The following MLPH variants were observed in gnomAD, a reference collection of about 807,000 sequenced individuals.
MLPH encodes exophilin-3.
MLPH carries 51 observed loss-of-function variants against 72.1 expected under a neutral mutation model. That is an observed-to-expected ratio of 0.71 (90% CI 0.56 to 0.89). The LOEUF (loss-of-function observed/expected upper bound fraction) is 0.89. Among genes scored for constraint, MLPH ranks in the 40% least tolerant of loss-of-function variants. The pLI is 0.00. For synonymous variants in MLPH, 301 were observed against 310.1 expected (o/e 0.97, Z 0.31); for missense variants, 743 against 759.9 (o/e 0.98, Z 0.26).
At chr2:237,493,602 G>A in intron 2 of MLPH, 66 bp downstream of exon 2, 1 of 1,263,228 alleles carries the variant, frequency 7.9e-7, no homozygotes, top group Non-Finnish European at 1.2e-6. Flanking sequence ...CCATCATATG[G>A]GTGCTGTCTG....
rs1368500106 is a variant in MLPH at position 237,493,454 on chromosome 2, C to G, written c.28C>G (p.Leu10Val). 11 of 1,613,958 alleles carry G rather than the reference C, an allele frequency of 6.8e-6. No individual in the cohort carries two copies. Among genetic ancestry groups the G allele is most frequent in the Non-Finnish European group, 9.3e-6 (11 of 1,179,944 alleles). MGKKLDLSK[L>V]TDEEAQHVLE... ...GGGGAAGAAACTGGATCTTTCCAAGCTCACTGATGAAGAGGCCCAGCATGT... is the reference window on the plus strand; with the variant it reads ...GGGGAAGAAACTGGATCTTTCCAAGGTCACTGATGAAGAGGCCCAGCATGT... The change falls in exon 2 of 16, where the codon CTC becomes GTC. Residue 10 changes from leucine (L) to valine (V), a missense_variant. Transcript: ENST00000264605.
chr2:237,520,284 G>C (rs551731134), intron 6 of MLPH, among the ~76,000 whole-genome samples: 1 of 152,294 alleles, frequency 6.6e-6, no homozygotes, highest in African/African-American at 2.4e-5. Flanking sequence ...AGGGCCCTGA[G>C]ACTGGACAGA....
At chr2:237,498,016 G>A (rs949016158) in intron 2 of MLPH, among the ~76,000 whole-genome samples, 7 of 152,196 alleles carry the variant, frequency 4.6e-5, no homozygotes, top group Admixed American at 6.5e-5. Context: ...GCCCGTGGGC[G>A]CGACCCAGCC....
At chr2:237,504,657 G>A (rs1018765290) in intron 2 of MLPH, among the ~76,000 whole-genome samples, 7 of 152,198 alleles carry the variant, frequency 4.6e-5, no homozygotes, top group Non-Finnish European at 1.0e-4. Context: ...GAGGCCGCCG[G>A]TTCTGTCCAC....
At chr2:237,537,540 A>T (rs1370617467) in intron 9 of MLPH, 2 of 152,120 alleles carry the variant, frequency 1.3e-5, no homozygotes, top group Non-Finnish European at 2.9e-5. Context: ...GGCCTCTGTG[A>T]TTTGGGGGCT....
At chr2:237,530,089 G>A (rs1372698173) in intron 8 of MLPH, among the ~76,000 whole-genome samples, 1 of 152,200 alleles carries the variant, frequency 6.6e-6, no homozygotes, top group African/African-American at 2.4e-5. Flanking sequence ...CTGGCCTTTC[G>A]GTGCACAGGA....
At chr2:237,524,054 A>G (rs1048363042) in intron 6 of MLPH, among the ~76,000 whole-genome samples, 2 of 152,092 alleles carry the variant, frequency 1.3e-5, no homozygotes, top group African/African-American at 4.8e-5. Context: ...GAGGAACGTG[A>G]TGGCTACTAG....
chr2:237,500,343 T>C (rs1175840124), intron 2 of MLPH, among the ~76,000 whole-genome samples: 1 of 152,214 alleles, frequency 6.6e-6, no homozygotes, highest in South Asian at 2.1e-4. Context: ...TCTACAGTGA[T>C]GGAAATGTTC....
chr2:237,533,182 G>A (rs572463229), intron 8 of MLPH, among the ~76,000 whole-genome samples: 72 of 152,254 alleles, frequency 4.7e-4, no homozygotes, highest in African/African-American at 1.5e-3. Flanking sequence ...GCCCACCCAC[G>A]TTAGACTCTT....
chr2:237,515,333 G>A (rs1180524300), intron 4 of MLPH, among the ~76,000 whole-genome samples: 2 of 152,160 alleles, frequency 1.3e-5, no homozygotes, highest in Non-Finnish European at 2.9e-5. Context: ...CGGGTCCTGG[G>A]CTGTCCTGAG....
chr2:237,532,300 A>G (rs1330476743), intron 8 of MLPH, among the ~76,000 whole-genome samples: 1 of 152,172 alleles, frequency 6.6e-6, no homozygotes, highest in Non-Finnish European at 1.5e-5. Flanking sequence ...CTGCCTTTGC[A>G]TTTGTATTGA....
At chr2:237,553,467 T>TACACACCTGTGTATTTGTATGTGC (rs1264955088) in intron 15 of MLPH, 99 bp from the exon 16 acceptor site, 14 of 1,114,964 alleles carry the variant, frequency 1.3e-5, no homozygotes, top group Middle Eastern at 2.0e-4. Flanking sequence ...CACATCCATG[T>TACACACCTGTGTATTTGTATGTGC]ACACACCTGT....
intron 1 of MLPH, among the ~76,000 whole-genome samples, chr2:237,489,054 T>C (rs1392227061): frequency 6.6e-6 from 1 of 152,136 alleles, no homozygotes; most frequent in East Asian, 1.9e-4. Context: ...GCTCAGCCAT[T>C]GTCCATGGTA....
chr2:237,525,397 G>A lies in MLPH; in HGVS notation c.676-204G>A, dbSNP rs150710264. Reference sequence around the variant, plus strand: ...GACACATGCAATAGGCAGTCAGTAGGCAACAAATAGGCAATATATGCTTTA... The same window carrying A: ...GACACATGCAATAGGCAGTCAGTAGACAACAAATAGGCAATATATGCTTTA... On this transcript the variant is annotated intron_variant, in intron 6 of 15. Transcript: ENST00000264605. 1.9e-3 allele frequency among the ~76,000 whole-genome samples: 284 copies of A among 152,294 alleles called. 5 individuals carry two copies. Among genetic ancestry groups the A allele is most frequent in the Middle Eastern group, 0.014 (4 of 294 alleles).
rs968122883 is a variant in MLPH, at chr2:237,499,898, C to A, written c.110+6362C>A. 2.0e-5 allele frequency among the ~76,000 whole-genome samples: 3 copies of A among 152,078 alleles called. No homozygotes were observed. In the East Asian group the frequency reaches 5.8e-4, roughly 29 times the overall value. ...AAGCTGAGACTACAGGCATGCATCA[C>A]CACACCTAGCTAATTTTTTAAATTT... On this transcript the variant is annotated intron_variant, in intron 2 of 15. Transcript: ENST00000264605.
At position 237,527,231 on chromosome 2, in the gene MLPH, T is replaced by C. The variant is rs1462332872; in HGVS notation, c.881-146T>C. On this transcript the variant is annotated intron_variant, in intron 7 of 15. Transcript: ENST00000264605. ...GGCTGTGGAATCTGCCCCATTCTTATTGTGACTTTGGAACCTCAGCCCTGT... is the reference window on the plus strand; with the variant it reads ...GGCTGTGGAATCTGCCCCATTCTTACTGTGACTTTGGAACCTCAGCCCTGT... The C allele has an allele frequency of 9.3e-6, 9 of 972,248 alleles. No homozygotes were observed. In the South Asian group the frequency reaches 9.5e-5, roughly 10 times the overall value. 60.2% of individuals were successfully genotyped at this position (972,248 alleles called of 1,614,324 possible). A position where few individuals can be genotyped will look rare whatever the true frequency, so the allele number is the denominator to read the frequency against.
chr2:237,546,515 C>T, intron 12 of MLPH, 91 bp from the exon 13 acceptor site: 1 of 1,081,240 alleles, frequency 9.2e-7, no homozygotes, highest in Non-Finnish European at 1.4e-6. Context: ...GTATAGAGAG[C>T]ATCCATCCTT....
At chr2:237,524,564 G>C (rs1163894816) in intron 6 of MLPH, among the ~76,000 whole-genome samples, 4 of 152,006 alleles carry the variant, frequency 2.6e-5, no homozygotes, top group African/African-American at 9.7e-5. Flanking sequence ...GTGCCCACTT[G>C]ATTAAGGCTG....
intron 9 of MLPH, among the ~76,000 whole-genome samples, chr2:237,537,000 G>A (rs747038790): frequency 1.8e-4 from 28 of 152,184 alleles, no homozygotes; most frequent in Admixed American, 9.8e-4. Context: ...TACACTCCCC[G>A]CGAGGGGACA....
Sources: allele counts gnomAD v4.1 joint callset (sites outside exome capture counted in the v4.1 genomes callset), GRCh38; gene constraint gnomAD v4.1.1; transcripts MANE v1.5; gene names NCBI Gene and HGNC (gene_info 2026-07-23, HGNC 2026-07-21).